ASB4: variants seen among roughly 807,000 people sequenced by gnomAD.
The protein encoded by ASB4 is ankyrin repeat and SOCS box containing 4.
In ASB4, 35 loss-of-function variants were observed where a neutral mutation model predicts 38.6. The ratio of observed to expected loss-of-function variants is 0.91; its 90% CI spans 0.69 to 1.20. The LOEUF (loss-of-function observed/expected upper bound fraction) is 1.20. Ranked by LOEUF, ASB4 falls within the 50% of genes most tolerant of loss-of-function variation. The probability of loss-of-function intolerance (pLI) is 0.00; values close to 1 mark genes in which losing one functional copy is unlikely to be tolerated. For missense variants in ASB4, 557 were observed against 527.2 expected, an observed-to-expected ratio of 1.06 and a Z score of -0.55; for synonymous variants, 195 against 201.3, an observed-to-expected ratio of 0.97 and a Z score of 0.26.
chr7:95,483,262 T>C (rs1790039196), upstream of ASB4, among the ~76,000 whole-genome samples: 1 of 152,218 alleles, frequency 6.6e-6, no homozygotes, highest in African/African-American at 2.4e-5. Context: ...TGCTGACTGC[T>C]ATTCACTTGA....
intron 2 of ASB4, among the ~76,000 whole-genome samples, chr7:95,518,006 A>G (rs892757096): frequency 6.6e-5 from 10 of 152,206 alleles, no homozygotes; most frequent in Non-Finnish European, 1.3e-4. Flanking sequence ...TGTATGATCA[A>G]TTGCAAAGAG....
rs188217272 is a variant in ASB4 at position 95,540,225 on chromosome 7, C to T, written c.*2466C>T. ...GAGAACTTAAATAAAGCTCTTCTGT[C>T]TCCTTTCATCTTTGTGTTTACTTAC... On this transcript the variant is annotated 3_prime_UTR_variant, in exon 5 of 5. Transcript: ENST00000325885. The T allele has an allele frequency of 3.9e-5, 6 of 152,284 alleles. No individual in the cohort carries two copies. The highest frequency in any genetic ancestry group is 7.2e-5 in the African/African-American group (3 of 41,548). 9.4% of individuals were successfully genotyped at this position (152,284 alleles called of 1,614,324 possible).
At chr7:95,501,698 C>A (rs1270390027) in intron 2 of ASB4, among the ~76,000 whole-genome samples, 1 of 152,182 alleles carries the variant, frequency 6.6e-6, no homozygotes, top group African/African-American at 2.4e-5. Flanking sequence ...GAGTGGCCAA[C>A]CTTTCACTCC....
chr7:95,497,434 A>G (rs1371456415), intron 2 of ASB4, among the ~76,000 whole-genome samples: 1 of 152,164 alleles, frequency 6.6e-6, no homozygotes, highest in Non-Finnish European at 1.5e-5. Context: ...AGGAAGTCCC[A>G]AGTATCATTG....
At chr7:95,480,601 A>G (rs1201844879) in intron 1 of ASB4, among the ~76,000 whole-genome samples, 2 of 152,202 alleles carry the variant, frequency 1.3e-5, no homozygotes, top group Non-Finnish European at 2.9e-5. Context: ...GCCAATGGAG[A>G]GAACTACATG....
intron 1 of ASB4, among the ~76,000 whole-genome samples, chr7:95,489,859 C>T (rs1359235225): frequency 2.6e-5 from 4 of 152,214 alleles, no homozygotes; most frequent in Non-Finnish European, 2.9e-5. Flanking sequence ...CACAAATGTC[C>T]CTTCTATTGG....
rs987221083 is a variant in ASB4, at chr7:95,537,714, A to G, written c.1236A>G (p.Ser412=). 4 of 1,613,890 alleles carry G rather than the reference A, an allele frequency of 2.5e-6. No homozygotes were observed. The highest frequency in any genetic ancestry group is 3.4e-6 in the Non-Finnish European group (4 of 1,179,830). The change falls in exon 5 of 5, where the codon TCA becomes TCG. Residue 412 remains serine (S), a synonymous_variant. Transcript: ENST00000325885. The stretch of plus-strand genomic sequence containing the variant: ...TTCCTTTGCTTTCCCTCCCATTGTC[A>G]TTGAAAAAGTACTTGCTTTTAGAGC... ...RAIPLLSLPL[S]LKKYLLLEPE...
intron 2 of ASB4, among the ~76,000 whole-genome samples, chr7:95,522,853 A>T (rs560043657): frequency 1.3e-5 from 2 of 152,298 alleles, no homozygotes; most frequent in African/African-American, 4.8e-5. Context: ...TTAATTTTTT[A>T]TCTCTCTCAT....
chr7:95,511,662 C>CAAAAAA (rs534302628), intron 2 of ASB4, among the ~76,000 whole-genome samples: 4 of 134,006 alleles, frequency 3.0e-5, no homozygotes, highest in African/African-American at 1.1e-4. Flanking sequence ...AACTCCGTCT[C>CAAAAAA]AAAAAAAAAA....
chr7:95,515,405 C>G (rs1324616391), intron 2 of ASB4, among the ~76,000 whole-genome samples: 1 of 79,932 alleles, frequency 1.3e-5, no homozygotes, highest in East Asian at 3.1e-4. Context: ...CTTTTCTTTT[C>G]TTTTTCCTTT....
intron 2 of ASB4, among the ~76,000 whole-genome samples, chr7:95,518,758 T>C (rs1487957070): frequency 6.6e-6 from 1 of 152,186 alleles, no homozygotes; most frequent in Admixed American, 6.5e-5. Flanking sequence ...TTTTTTATCA[T>C]TGCCACACAA....
At chr7:95,549,576 C>A in the ASB4 span, among the ~76,000 whole-genome samples, 1,781 of 152,170 alleles carry the variant, frequency 0.012, 23 homozygotes, top group Middle Eastern at 0.037. Context: ...GGATTATAGG[C>A]GTGAGCCACC....
chr7:95,541,886 A>G (rs1371726264), downstream of ASB4, among the ~76,000 whole-genome samples: 1 of 152,126 alleles, frequency 6.6e-6, no homozygotes, highest in Non-Finnish European at 1.5e-5. Flanking sequence ...AATTTCATTC[A>G]TTTATTTTTT....
At chr7:95,502,719 T>C (rs1790359177) in intron 2 of ASB4, among the ~76,000 whole-genome samples, 1 of 152,234 alleles carries the variant, frequency 6.6e-6, no homozygotes, top group Non-Finnish European at 1.5e-5. Context: ...AGTTAGAGTA[T>C]ATTTTACTTA....
At chr7:95,529,361 G>A (rs1262739041) in intron 3 of ASB4, among the ~76,000 whole-genome samples, 2 of 152,214 alleles carry the variant, frequency 1.3e-5, no homozygotes, top group African/African-American at 4.8e-5. Flanking sequence ...GCCACAGAAA[G>A]CAAAGTAACA....
intron 1 of ASB4, among the ~76,000 whole-genome samples, chr7:95,494,022 A>G (rs1562810510): frequency 6.6e-6 from 1 of 152,220 alleles, no homozygotes; most frequent in African/African-American, 2.4e-5. Context: ...TAAGTCCAGG[A>G]GCACATTTCA....
At chr7:95,515,440 A>G (rs1790570911) in intron 2 of ASB4, among the ~76,000 whole-genome samples, 1 of 126,690 alleles carries the variant, frequency 7.9e-6, no homozygotes, top group East Asian at 2.2e-4. Flanking sequence ...TTTTTAAGAC[A>G]GAGTCTCATT....
In ASB4 at chr7:95,495,799, A is replaced by C. The variant is rs1031541136; in HGVS notation, c.229A>C (p.Thr77Pro). 1 of 1,610,460 alleles carries C rather than the reference A, an allele frequency of 6.2e-7. No homozygotes were observed. The highest frequency in any genetic ancestry group is 8.5e-7 in the Non-Finnish European group (1 of 1,179,230). The stretch of plus-strand genomic sequence containing the variant: ...CTATAAATTGAAGTCTTCCTGGGCC[A>C]CAGGCCTCCATCTCTCTGTCTTGTT... ...PSYKLKSSWA[T>P]GLHLSVLFGH... The change falls in exon 2 of 5, where the codon ACA (threonine) becomes CCA (proline). Residue 77 changes from threonine (T) to proline (P), a missense_variant. Transcript: ENST00000325885.
At chr7:95,512,002 T>C (rs950609661) in intron 2 of ASB4, among the ~76,000 whole-genome samples, 7 of 152,168 alleles carry the variant, frequency 4.6e-5, no homozygotes, top group African/African-American at 1.4e-4. Context: ...CTGTAGACTG[T>C]ATATGTCAGT....
Sources: allele counts gnomAD v4.1 joint callset (sites outside exome capture counted in the v4.1 genomes callset), GRCh38; gene constraint gnomAD v4.1.1; transcripts MANE v1.5; gene names NCBI Gene and HGNC (gene_info 2026-07-23, HGNC 2026-07-21).